AHNAK2: variants seen among roughly 807,000 people sequenced by gnomAD.
The protein encoded by AHNAK2 is protein AHNAK2.
AHNAK2 carries 18 observed loss-of-function variants against 30.7 expected under a neutral mutation model. The observed-to-expected ratio is 0.59, with a 90% confidence interval of 0.41 to 0.87. The LOEUF (loss-of-function observed/expected upper bound fraction) is 0.87. Ranked by LOEUF, AHNAK2 falls within the 40% of genes least tolerant of loss-of-function variation. AHNAK2 has a pLI of 0.00. For synonymous variants in AHNAK2, 3,590 were observed against 3,073.8 expected, an observed-to-expected ratio of 1.17 and a Z score of -5.56; for missense variants, 8,604 against 7,373.0, an observed-to-expected ratio of 1.17 and a Z score of -6.11.
rs562938811 is a variant in AHNAK2, at chr14:104,959,196, G to A, written c.56-1524C>T. On this transcript the variant is annotated intron_variant, in intron 1 of 6. Transcript: ENST00000333244. ...CAAAAAAAAATTTTTTTTTTGAGAC[G>A]GAGTCTCACTCTGTCACCCAGGATG... Among the ~76,000 whole-genome samples the A allele has an allele frequency of 9.9e-5, 15 of 152,076 alleles. No individual in the cohort carries two copies. In the East Asian group the frequency reaches 1.9e-3, roughly 20 times the overall value.
chr14:104,939,290 G>C lies in AHNAK2; in HGVS notation c.16161C>G (p.Pro5387=). ...AGGAGAACCTTGGTACCATTAATTT[G>C]GGGAATTTGACAGTTAGGACAGAAT... ...WEDSVLTVKF[P]KLMVPRFSFP... The change falls in exon 7 of 7, where the codon CCC becomes CCG. Residue 5387 remains proline, a synonymous_variant. Transcript: ENST00000333244. 1 of 1,613,848 alleles carries C rather than the reference G, an allele frequency of 6.2e-7. No individual in the cohort carries two copies. The highest frequency in any genetic ancestry group is 8.5e-7 in the Non-Finnish European group (1 of 1,179,888).
In AHNAK2 at chr14:104,952,323, G is replaced by T. The variant is rs1192419731; in HGVS notation, c.3128C>A (p.Thr1043Asn). ...SLPSMQGDLK[T>N]TDLSIQPAST... ...AGCAGGCTGAATGCTGAGGTCAGTG[G>T]TCTTCAGGTCCCCCTGCATGGAGGG... The change falls in exon 7 of 7, where the codon ACC becomes AAC. Residue 1043 changes from threonine (T) to asparagine (N), a missense_variant. Transcript: ENST00000333244. 3.1e-6 allele frequency: 5 copies of T among 1,612,298 alleles called. No individual in the cohort carries two copies. In the Admixed American group the frequency reaches 8.3e-5, roughly 27 times the overall value.
rs779226312 is a variant in AHNAK2, at chr14:104,941,727, A to C, written c.13724T>G (p.Leu4575Arg). The C allele has an allele frequency of 6.2e-7, 1 of 1,613,746 alleles. No individual in the cohort carries two copies. Among genetic ancestry groups the C allele is most frequent in the Admixed American group, 1.7e-5 (1 of 60,022 alleles). ...CATCACCTCTGCCTTTGGGCCTTTC[A>C]GGTCCAGCTTGGGGCCCTTGACGTC... ...QVDVKGPKLDLKGPKAEVMAP... is the reference protein window; with the variant it reads ...QVDVKGPKLDRKGPKAEVMAP... Residue 4575 changes from leucine to arginine, a missense_variant, in exon 7 of 7, where the codon CTG becomes CGG. Physicochemically the swap from Leu to Arg is moderately radical, Grantham distance 102. Transcript: ENST00000333244.
Position 104,947,227 on chromosome 14 carries a change from G to C in AHNAK2, c.8224C>G (p.Pro2742Ala). ...TGGGGGCCCTTGAGGTCCACTTCAGGCATCTTGAAACTGGGCATCTGCAGC... is the reference window on the plus strand; with the variant it reads ...TGGGGGCCCTTGAGGTCCACTTCAGCCATCTTGAAACTGGGCATCTGCAGC... ...PKLQMPSFKM[P>A]EVDLKGPQID... is the part of the protein sequence containing the mutation. The change falls in exon 7 of 7, where the codon CCT becomes GCT. Residue 2742 changes from proline to alanine, a missense_variant. Transcript: ENST00000333244. 1.2e-6 allele frequency: 2 copies of C among 1,611,860 alleles called. No individual in the cohort carries two copies. The highest frequency in any genetic ancestry group is 1.7e-6 in the Non-Finnish European group (2 of 1,179,440).
rs202023011 is a variant in AHNAK2, at chr14:104,942,409, T to C, written c.13042A>G (p.Ile4348Val). 697 of 1,612,934 alleles carry C rather than the reference T, an allele frequency of 4.3e-4. 2 individuals carry two copies. Among genetic ancestry groups the C allele is most frequent in the Non-Finnish European group, 3.2e-4 (373 of 1,179,554 alleles). ...QGDLKTTHLS[I>V]QPPSADLEVQ... ...TCCAGATCAGCGGAAGGGGGCTGAATGCTGAGGTGAGTGGTCTTCAGGTCC... is the reference window on the plus strand; with the variant it reads ...TCCAGATCAGCGGAAGGGGGCTGAACGCTGAGGTGAGTGGTCTTCAGGTCC... Residue 4348 changes from isoleucine to valine, a missense_variant, in exon 7 of 7, where the codon ATT (isoleucine) becomes GTT (valine). Physicochemically the swap from Ile to Val is conservative, Grantham distance 29. Coordinates refer to ENST00000333244, the MANE Select transcript of AHNAK2 (RefSeq NM_138420.4).
Position 104,948,229 on chromosome 14 carries a change from T to G in AHNAK2, c.7222A>C (p.Ser2408Arg), listed in dbSNP as rs765191028. ...AGATCTACTTTGGGCATCTTGAAAC[T>G]GGGCATCTGCAGCTTGGGCAGGTGC... Reference protein sequence around the residue: ...KGHLPKLQMPSFKMPKVDLKG... With the variant: ...KGHLPKLQMPRFKMPKVDLKG... Residue 2408 changes from serine (S) to arginine (R), a missense_variant, in exon 7 of 7, where the codon AGT (serine) becomes CGT (arginine). By Grantham distance (110) the Ser-to-Arg change is moderately radical. Coordinates refer to ENST00000333244, the MANE Select transcript of AHNAK2 (RefSeq NM_138420.4). 66 of 1,612,422 alleles carry G rather than the reference T, an allele frequency of 4.1e-5. No homozygotes were observed. The highest frequency in any genetic ancestry group is 3.1e-5 in the Non-Finnish European group (37 of 1,179,560).
chr14:104,940,165 T>C lies in AHNAK2; in HGVS notation c.15286A>G (p.Ser5096Gly), dbSNP rs187345878. The C allele has an allele frequency of 1.6e-4, 266 of 1,613,546 alleles. 1 individual carries two copies. In the African/African-American group the frequency reaches 2.6e-3, roughly 16 times the overall value. ...NLHRPQVHIPSLGFAKPDLRS... is the reference protein window; with the variant it reads ...NLHRPQVHIPGLGFAKPDLRS... The stretch of plus-strand genomic sequence containing the variant: ...AGATCAGGTTTGGCAAAGCCCAAAC[T>C]GGGAATGTGGACCTGTGGCCGGTGG... The change falls in exon 7 of 7, where the codon AGT (serine) becomes GGT (glycine). Residue 5096 changes from serine (S) to glycine (G), a missense_variant. Coordinates refer to ENST00000333244, the MANE Select transcript of AHNAK2 (RefSeq NM_138420.4). The surrounding 1 kb of genome is among the most constrained non-coding windows in gnomAD (Gnocchi z 4.4).
Position 104,942,598 on chromosome 14 carries a change from A to T in AHNAK2, c.12853T>A (p.Ser4285Thr). 1 of 1,612,894 alleles carries T rather than the reference A, an allele frequency of 6.2e-7. No homozygotes were observed. The part of the protein sequence containing the change: ...LDSVRLEGDL[S>T]LADKDMTAKD... ...GCAGTCATGTCCTTGTCGGCTAGGG[A>T]CAGGTCACCCTCCAGCCGCACACTG... The change falls in exon 7 of 7, where the codon TCC becomes ACC. Residue 4285 changes from serine to threonine, a missense_variant. Coordinates refer to ENST00000333244, the MANE Select transcript of AHNAK2 (RefSeq NM_138420.4).
Position 104,945,706 on chromosome 14 carries a change from T to C in AHNAK2, c.9745A>G (p.Lys3249Glu). The C allele has an allele frequency of 6.2e-7, 1 of 1,601,244 alleles. No homozygotes were observed. Among genetic ancestry groups the C allele is most frequent in the East Asian group, 2.2e-5 (1 of 44,674 alleles). Reference protein sequence around the residue: ...VDRKGPQIDIKGPKLDLKGPK... With the variant: ...VDRKGPQIDIEGPKLDLKGPK... Reference sequence around the variant, plus strand: ...CCTTTCAGGTCCAGCTTGGGGCCCTTGATGTCTATCTGGGGGCCCTTGCGA... The same window carrying C: ...CCTTTCAGGTCCAGCTTGGGGCCCTCGATGTCTATCTGGGGGCCCTTGCGA... Residue 3249 changes from lysine (K) to glutamate (E), a missense_variant, in exon 7 of 7, where the codon AAG becomes GAG. Transcript: ENST00000333244.
In AHNAK2 at chr14:104,946,637, C is replaced by G; in HGVS notation, c.8814G>C (p.Glu2938Asp). 1.2e-6 allele frequency: 2 copies of G among 1,612,892 alleles called. No individual in the cohort carries two copies. Among genetic ancestry groups the G allele is most frequent in the Non-Finnish European group, 1.7e-6 (2 of 1,179,722 alleles). Residue 2938 changes from glutamate (E) to aspartate (D), a missense_variant, in exon 7 of 7, where the codon GAG becomes GAC. Glu to Asp is a conservative substitution (Grantham distance 45). Transcript: ENST00000333244. ...CCACCTCCACGCTGGGCAGAGACACCTCCACGTCGGGGGCCGTCACCTCCG... is the reference window on the plus strand; with the variant it reads ...CCACCTCCACGCTGGGCAGAGACACGTCCACGTCGGGGGCCGTCACCTCCG... ...PKAEVTAPDV[E>D]VSLPSVEVDV...
chr14:104,942,480 G>A lies in AHNAK2; in HGVS notation c.12971C>T (p.Ser4324Phe), dbSNP rs763847427. ...GKSIEASLDV[S>F]ALKVEADVSL... ...CACGTCAGCCTCCACCTTCAGCGCA[G>A]ACACATCCAACGAGGCCTCGATGGA... The change falls in exon 7 of 7, where the codon TCT becomes TTT. Residue 4324 changes from serine (S) to phenylalanine (F), a missense_variant. Transcript: ENST00000333244. 1 of 1,612,830 alleles carries A rather than the reference G, an allele frequency of 6.2e-7. No individual in the cohort carries two copies. The highest frequency in any genetic ancestry group is 8.5e-7 in the Non-Finnish European group (1 of 1,179,570).
Position 104,948,142 on chromosome 14 carries a change from C to A in AHNAK2, c.7309G>T (p.Val2437Leu), listed in dbSNP as rs185901406. Reference sequence around the variant, plus strand: ...GACACCTCCACGTCGGGGGCCATCACGTCCGTCTTGGGGCCTTTCAGGTCC... The same window carrying A: ...GACACCTCCACGTCGGGGGCCATCAAGTCCGTCTTGGGGCCTTTCAGGTCC... ...KLDLKGPKTD[V>L]MAPDVEVSQP... is the part of the protein sequence containing the mutation. The change falls in exon 7 of 7, where the codon GTG becomes TTG. Residue 2437 changes from valine (V) to leucine (L), a missense_variant. By Grantham distance (32) the Val-to-Leu change is conservative (BLOSUM62 1). Transcript: ENST00000333244. 1 of 1,612,634 alleles carries A rather than the reference C, an allele frequency of 6.2e-7. No homozygotes were observed. Among genetic ancestry groups the A allele is most frequent in the Non-Finnish European group, 8.5e-7 (1 of 1,179,610 alleles).
rs369383115 is a variant in AHNAK2 at position 104,948,084 on chromosome 14, G to A, written c.7367C>T (p.Pro2456Leu). The stretch of plus-strand genomic sequence containing the variant: ...CCACGCACCATCCAGCTTGGCTCCC[G>A]GGGCCTCGACATCCACCTCCACGCT... ...QPSVEVDVEA[P>L]GAKLDGAWLE... The change falls in exon 7 of 7, where the codon CCG (proline) becomes CTG (leucine). Residue 2456 changes from proline (P) to leucine (L), a missense_variant. Transcript: ENST00000333244. The A allele has an allele frequency of 4.8e-5, 78 of 1,612,948 alleles. 1 individual carries two copies. Among genetic ancestry groups the A allele is most frequent in the African/African-American group, 1.5e-4 (11 of 74,486 alleles).
Position 104,944,455 on chromosome 14 carries a change from G to A in AHNAK2, c.10996C>T (p.Pro3666Ser). The change falls in exon 7 of 7, where the codon CCC (proline) becomes TCC (serine). Residue 3666 changes from proline (P) to serine (S), a missense_variant. Transcript: ENST00000333244. Reference sequence around the variant, plus strand: ...AGACTCACATCGGCTTCCACCTTGGGTGCAGACACATCCACCGAGGCCTCC... The same window carrying A: ...AGACTCACATCGGCTTCCACCTTGGATGCAGACACATCCACCGAGGCCTCC... ...SMEASVDVSAPKVEADVSLPS... is the reference protein window; with the variant it reads ...SMEASVDVSASKVEADVSLPS... 2 of 1,613,100 alleles carry A rather than the reference G, an allele frequency of 1.2e-6. No homozygotes were observed. The highest frequency in any genetic ancestry group is 1.7e-6 in the Non-Finnish European group (2 of 1,179,604).
In AHNAK2 at chr14:104,950,427, T is replaced by G; in HGVS notation, c.5024A>C (p.Lys1675Thr). Residue 1675 changes from lysine to threonine, a missense_variant, in exon 7 of 7, where the codon AAG (lysine) becomes ACG (threonine). Coordinates refer to ENST00000333244, the MANE Select transcript of AHNAK2 (RefSeq NM_138420.4). Reference protein sequence around the residue: ...MPSFGVSAPGKSIEASVDVSE... With the variant: ...MPSFGVSAPGTSIEASVDVSE... ...CACATCCACCGAGGCCTCGATGGACTTGCCTGGGGCCGACACCCCAAATGA... is the reference window on the plus strand; with the variant it reads ...CACATCCACCGAGGCCTCGATGGACGTGCCTGGGGCCGACACCCCAAATGA... The G allele has an allele frequency of 6.3e-7, 1 of 1,586,570 alleles. No individual in the cohort carries two copies. Among genetic ancestry groups the G allele is most frequent in the African/African-American group, 1.4e-5 (1 of 72,558 alleles).
At position 104,949,964 on chromosome 14, in the gene AHNAK2, C is replaced by A; in HGVS notation, c.5487G>T (p.Lys1829Asn). The change falls in exon 7 of 7, where the codon AAG becomes AAT. Residue 1829 changes from lysine to asparagine, a missense_variant. Lys to Asn is a moderately conservative substitution (Grantham distance 94). Transcript: ENST00000333244. ...KDSKFKMPKF[K>N]MPSFGVSAPG... is the part of the protein sequence containing the mutation. ...GGGCAGACACCCCGAACGACGGCAT[C>A]TTGAACTTGGGCATTTTGAACTTGC... is the stretch of plus-strand genomic sequence containing the variant. The A allele has an allele frequency of 6.3e-7, 1 of 1,589,340 alleles. No individual in the cohort carries two copies. Among genetic ancestry groups the A allele is most frequent in the East Asian group, 2.2e-5 (1 of 44,698 alleles).
Position 104,942,067 on chromosome 14 carries a change from T to C in AHNAK2, c.13384A>G (p.Lys4462Glu). 3.1e-6 allele frequency: 5 copies of C among 1,612,160 alleles called. No homozygotes were observed. The highest frequency in any genetic ancestry group is 1.1e-5 in the South Asian group (1 of 90,992). The change falls in exon 7 of 7, where the codon AAG (lysine) becomes GAG (glutamate). Residue 4462 changes from lysine (K) to glutamate (E), a missense_variant. By Grantham distance (56) the Lys-to-Glu change is moderately conservative. Coordinates refer to ENST00000333244, the MANE Select transcript of AHNAK2 (RefSeq NM_138420.4). ...ADKDVTAKDS[K>E]FKMPKFKMPS... ...ATCTTGAACTTGGGCATTTTGAACT[T>C]GCTGTCTTTGGCAGTCACGTCCTTG... is the stretch of plus-strand genomic sequence containing the variant.
In AHNAK2 at chr14:104,942,749, GGGGCCCTTGA is replaced by G. The variant is rs1566899081; in HGVS notation, c.12692_12701del (p.Leu4231ProfsTer12). On this transcript the variant is annotated frameshift_variant, in exon 7 of 7. Transcript: ENST00000333244. LOFTEE classifies it low-confidence loss of function (END_TRUNC). ...GCTTGGGGCCCTTGACATCCACCTG[GGGGCCCTTGA>G]GGGCCACTTTGGGCATCTTCAAACA... 5 of 1,612,938 alleles carry G rather than the reference GGGGCCCTTGA, an allele frequency of 3.1e-6. No individual in the cohort carries two copies. The highest frequency in any genetic ancestry group is 1.7e-5 in the Admixed American group (1 of 59,928).
rs1208329361 is a variant in AHNAK2, at chr14:104,953,586, T to G, written c.1865A>C (p.Asp622Ala). ...GREGEATATADRREQRRTEEG... is the reference protein window; with the variant it reads ...GREGEATATAARREQRRTEEG... The stretch of plus-strand genomic sequence containing the variant: ...CTCTGTGCGTCTCTGTTCTCTTCTA[T>G]CAGCTGTTGCTGTGGCCTCTCCTTC... Residue 622 changes from aspartate to alanine, a missense_variant, in exon 7 of 7, where the codon GAT (aspartate) becomes GCT (alanine). Transcript: ENST00000333244. 1.2e-6 allele frequency: 2 copies of G among 1,614,064 alleles called. No individual in the cohort carries two copies. The highest frequency in any genetic ancestry group is 1.1e-5 in the South Asian group (1 of 91,086).
Sources: gnomAD v4.1 joint callset for allele counts (sites outside exome capture counted in the v4.1 genomes callset) on GRCh38, gnomAD v4.1.1 for gene constraint, Gnocchi (gnomAD v3.1) non-coding constraint, MANE v1.5 for transcripts, NCBI Gene and HGNC (gene_info 2026-07-23, HGNC 2026-07-21) for gene names.